The following CACNA1D variants were observed in gnomAD, a reference collection of about 807,000 sequenced individuals.
CACNA1D encodes voltage-dependent L-type calcium channel subunit alpha-1D.
In CACNA1D, 55 loss-of-function variants were observed where a neutral mutation model predicts 257.1. That is an observed-to-expected ratio of 0.21 (90% CI 0.17 to 0.27). The LOEUF is 0.27. Among genes scored for constraint, CACNA1D ranks in the 10% least tolerant of loss-of-function variants. The pLI is 1.00. For missense variants in CACNA1D, 1,876 were observed against 2,784.0 expected, an observed-to-expected ratio of 0.67 and a Z score of 7.34; for synonymous variants, 980 against 1,014.9, an observed-to-expected ratio of 0.97 and a Z score of 0.65.
chr3:53,728,346 C>G lies in CACNA1D; in HGVS notation c.2221+1347C>G, dbSNP rs146759432. 3.9e-3 allele frequency among the ~76,000 whole-genome samples: 588 copies of G among 152,230 alleles called. 1 individual carries two copies. Among genetic ancestry groups the G allele is most frequent in the African/African-American group, 0.013 (545 of 41,528 alleles). The stretch of plus-strand genomic sequence containing the variant: ...TAGAGATGGGGTTTCTCCATGTTAA[C>G]CAGGCCGGTCTAAAACTCCTGACCT... On this transcript the variant is annotated intron_variant, in intron 15 of 47. Coordinates refer to ENST00000350061, the MANE Select transcript of CACNA1D (RefSeq NM_001128840.3).
chr3:53,601,259 T>C (rs746671672), intron 3 of CACNA1D, among the ~76,000 whole-genome samples: 1 of 152,192 alleles, frequency 6.6e-6, no homozygotes, highest in African/African-American at 2.4e-5. Flanking sequence ...TTACTCAAGC[T>C]TTGCTTCCTG....
At chr3:53,772,380 G>T (rs1299198640) in intron 32 of CACNA1D, among the ~76,000 whole-genome samples, 1 of 152,164 alleles carries the variant, frequency 6.6e-6, no homozygotes. Context: ...AGGTGGTTTT[G>T]CATAAAGATA....
Position 53,745,837 on chromosome 3 carries a change from C to T in CACNA1D, c.3129C>T (p.Arg1043=). The stretch of plus-strand genomic sequence containing the variant: ...TTTATACCCAGGGGAAGTTCTATCG[C>T]TGTACGGATGAAGCCAAAAGTAACC... The part of the protein sequence containing the change: ...GVQLFKGKFY[R]CTDEAKSNPE... Residue 1043 remains arginine, a synonymous_variant, in exon 25 of 48, where the codon CGC becomes CGT. Transcript: ENST00000350061. The T allele has an allele frequency of 6.2e-7, 1 of 1,613,866 alleles. No homozygotes were observed. The highest frequency in any genetic ancestry group is 1.1e-5 in the South Asian group (1 of 91,078).
rs79889607 is a variant in CACNA1D, at chr3:53,543,987, G to A, written c.483+42267G>A. 1.5e-4 allele frequency among the ~76,000 whole-genome samples: 23 copies of A among 152,226 alleles called. No individual in the cohort carries two copies. The East Asian group carries it at 3.3e-3, about 22-fold the overall frequency. On this transcript the variant is annotated intron_variant, in intron 3 of 47. Transcript: ENST00000350061. ...TTTAATGTTTCTGTGTGTTTCCTTC[G>A]TTTGTGTTTTTATGCCTTCTGATTT...
chr3:53,544,872 A>G (rs1484970322), intron 3 of CACNA1D, among the ~76,000 whole-genome samples: 1 of 152,180 alleles, frequency 6.6e-6, no homozygotes, highest in Non-Finnish European at 1.5e-5. Flanking sequence ...CATTCGAGGA[A>G]GTGGGGCCAC....
At chr3:53,782,162 T>C (rs930711031) in intron 39 of CACNA1D, among the ~76,000 whole-genome samples, 1 of 151,108 alleles carries the variant, frequency 6.6e-6, no homozygotes, top group African/African-American at 2.4e-5. Context: ...TATTTCCTTT[T>C]GTTATTTATC....
chr3:53,779,414 T>C (rs2095414578), intron 37 of CACNA1D, among the ~76,000 whole-genome samples: 1 of 152,130 alleles, frequency 6.6e-6, no homozygotes, highest in South Asian at 2.1e-4. Flanking sequence ...TGTATGTGTG[T>C]GTGTGTGTGT....
intron 21 of CACNA1D, among the ~76,000 whole-genome samples, chr3:53,741,442 T>A (rs2108818810): frequency 6.6e-6 from 1 of 152,368 alleles, no homozygotes; most frequent in East Asian, 1.9e-4. Context: ...GGTCAGGGAA[T>A]GAGGTGGTTA....
intron 3 of CACNA1D, among the ~76,000 whole-genome samples, chr3:53,626,774 G>A (rs2108082432): frequency 6.6e-6 from 1 of 152,246 alleles, no homozygotes; most frequent in Admixed American, 6.5e-5. Flanking sequence ...ACATGAAATG[G>A]TTGTATGTTT....
chr3:53,513,457 C>T (rs914922281), intron 3 of CACNA1D, among the ~76,000 whole-genome samples: 1 of 152,076 alleles, frequency 6.6e-6, no homozygotes, highest in Non-Finnish European at 1.5e-5. Context: ...GCTGGTGAAA[C>T]CTCGTCTCTA....
chr3:53,752,706 C>T lies in CACNA1D; in HGVS notation c.3675+799C>T, dbSNP rs149761746. 3.2e-3 allele frequency among the ~76,000 whole-genome samples: 490 copies of T among 152,254 alleles called. 3 individuals are homozygous for T. The highest frequency in any genetic ancestry group is 0.011 in the African/African-American group (471 of 41,542). On this transcript the variant is annotated intron_variant, in intron 28 of 47. Transcript: ENST00000350061. ...AGCCACCGCGCCCGGCACCTTTGGA[C>T]ACTTTGATCTGGGCCTGTCACAGAG... is the stretch of plus-strand genomic sequence containing the variant.
At chr3:53,659,472 C>A (rs1017938481) in intron 4 of CACNA1D, among the ~76,000 whole-genome samples, 5 of 152,296 alleles carry the variant, frequency 3.3e-5, no homozygotes, top group Admixed American at 6.5e-5. Flanking sequence ...TGAAGTCATT[C>A]ATTGATTGAT....
chr3:53,534,841 G>A (rs1387673782), intron 3 of CACNA1D, among the ~76,000 whole-genome samples: 2 of 152,128 alleles, frequency 1.3e-5, no homozygotes, highest in African/African-American at 4.8e-5. Context: ...TCAGCGCCGG[G>A]CCAGATCACC....
At chr3:53,647,658 A>T (rs910338864) in intron 3 of CACNA1D, among the ~76,000 whole-genome samples, 2 of 152,238 alleles carry the variant, frequency 1.3e-5, no homozygotes, top group Admixed American at 1.3e-4. Context: ...TGTAAGGCGA[A>T]TAATTATCCC....
At chr3:53,632,062 C>G (rs1431433162) in intron 3 of CACNA1D, among the ~76,000 whole-genome samples, 1 of 152,216 alleles carries the variant, frequency 6.6e-6, no homozygotes, top group Non-Finnish European at 1.5e-5. Context: ...GAGAGTCAGC[C>G]TGTCCTTTGA....
chr3:53,707,732 C>T (rs970832309), intron 9 of CACNA1D, among the ~76,000 whole-genome samples: 2 of 151,556 alleles, frequency 1.3e-5, no homozygotes, highest in Non-Finnish European at 2.9e-5. Context: ...TTTGCTAGGA[C>T]CATTAAAATC....
chr3:53,769,328 G>A (rs568782020), intron 30 of CACNA1D, among the ~76,000 whole-genome samples: 13 of 152,314 alleles, frequency 8.5e-5, no homozygotes, highest in Middle Eastern at 3.4e-3. Flanking sequence ...AGACTCATAC[G>A]GACCTGCACT....
intron 45 of CACNA1D, among the ~76,000 whole-genome samples, chr3:53,807,242 C>A (rs533276041): frequency 6.6e-6 from 1 of 152,338 alleles, no homozygotes; most frequent in South Asian, 2.1e-4. Context: ...CCCGGCCATT[C>A]GATCTGGAAA....
chr3:53,592,966 G>A (rs946967064), intron 3 of CACNA1D, among the ~76,000 whole-genome samples: 1 of 152,160 alleles, frequency 6.6e-6, no homozygotes, highest in Non-Finnish European at 1.5e-5. Context: ...TGGGATTACA[G>A]GTGTGAGCCA....
Sources: gnomAD v4.1 joint callset for allele counts (sites outside exome capture counted in the v4.1 genomes callset) on GRCh38, gnomAD v4.1.1 for gene constraint, MANE v1.5 for transcripts, NCBI Gene and HGNC (gene_info 2026-07-23, HGNC 2026-07-21) for gene names.